AGBL4: variants seen among roughly 807,000 people sequenced by gnomAD.
The protein encoded by AGBL4 is AGBL carboxypeptidase 4, also known as cytosolic carboxypeptidase 6.
A neutral mutation model predicts 66.4 loss-of-function variants in AGBL4; 58 were observed. The ratio of observed to expected loss-of-function variants is 0.87; its 90% CI spans 0.71 to 1.09. The LOEUF (loss-of-function observed/expected upper bound fraction) is 1.09. AGBL4 is among the 50% of genes least tolerant of loss of function. The pLI is 0.00. For synonymous variants in AGBL4, 234 were observed against 222.9 expected (o/e 1.05, Z -0.44); for missense variants, 579 against 631.0 (o/e 0.92, Z 0.88).
At chr1:48,546,188 T>A (rs946413839) in intron 11 of AGBL4, among the ~76,000 whole-genome samples, 2 of 152,246 alleles carry the variant, frequency 1.3e-5, no homozygotes, top group Non-Finnish European at 2.9e-5. Flanking sequence ...CAATTCGACA[T>A]ATATTTCACA....
At position 49,950,163 on chromosome 1, in the gene AGBL4, CAT is replaced by C. The variant is rs200899232; in HGVS notation, c.34+73598_34+73599del. The stretch of plus-strand genomic sequence containing the variant: ...ACACATATGTGTATATATATACACA[CAT>C]ATATATATACATATGTATATACACA... On this transcript the variant is annotated intron_variant, in intron 1 of 13. Coordinates refer to ENST00000371839, the MANE Select transcript of AGBL4 (RefSeq NM_032785.4). Among the ~76,000 whole-genome samples, 640 of 142,346 alleles carry C rather than the reference CAT, an allele frequency of 4.5e-3. 7 individuals are homozygous for C. The highest frequency in any genetic ancestry group is 0.012 in the African/African-American group (454 of 38,814). The allele number at this position is 142,346 out of a possible 152,430, so 93.4% of individuals were successfully genotyped here.
rs375877526 is a variant in AGBL4 at position 49,466,611 on chromosome 1, AT to A, written c.283-220748del. Among the ~76,000 whole-genome samples the A allele has an allele frequency of 2.6e-4, 39 of 151,740 alleles. 1 individual carries two copies. The highest frequency in any genetic ancestry group is 9.2e-4 in the African/African-American group (38 of 41,460). ...CATGAGATATAGAGGGGAAATCACA[AT>A]TTTTTTACACTTTTCTGGCTCCATT... On this transcript the variant is annotated intron_variant, in intron 3 of 13. Transcript: ENST00000371839.
chr1:49,238,149 A>C (rs1381793649), intron 4 of AGBL4, among the ~76,000 whole-genome samples: 1 of 152,062 alleles, frequency 6.6e-6, no homozygotes, highest in Non-Finnish European at 1.5e-5. Context: ...CACACATTTA[A>C]TTATGACATT....
intron 3 of AGBL4, among the ~76,000 whole-genome samples, chr1:49,340,154 G>A (rs760021610): frequency 4.6e-5 from 7 of 150,700 alleles, no homozygotes; most frequent in Non-Finnish European, 8.8e-5. Flanking sequence ...TAATTAGTGC[G>A]GTTTTTATTT....
At chr1:48,721,564 G>T (rs1301812492) in intron 6 of AGBL4, among the ~76,000 whole-genome samples, 2 of 152,200 alleles carry the variant, frequency 1.3e-5, no homozygotes, top group African/African-American at 2.4e-5. Context: ...GGGGTGAGGA[G>T]GGTCCCTGGC....
intron 3 of AGBL4, among the ~76,000 whole-genome samples, chr1:49,485,998 A>G (rs1316208365): frequency 2.6e-5 from 4 of 152,062 alleles, no homozygotes; most frequent in Non-Finnish European, 4.4e-5. Context: ...AACACAAAGC[A>G]TAAGTGCTTG....
intron 3 of AGBL4, among the ~76,000 whole-genome samples, chr1:49,619,028 A>C (rs887256084): frequency 2.6e-5 from 4 of 152,196 alleles, no homozygotes; most frequent in Admixed American, 2.0e-4. Flanking sequence ...AATGGGCAAA[A>C]CCTGGAAGCA....
chr1:49,073,871 G>T (rs1418674122), intron 4 of AGBL4, among the ~76,000 whole-genome samples: 2 of 152,224 alleles, frequency 1.3e-5, no homozygotes, highest in Non-Finnish European at 2.9e-5. Context: ...TCCCCCAGGT[G>T]CTCTGTCTCA....
chr1:49,637,249 G>T (rs1305801308), intron 3 of AGBL4, among the ~76,000 whole-genome samples: 1 of 151,998 alleles, frequency 6.6e-6, no homozygotes, highest in Non-Finnish European at 1.5e-5. Flanking sequence ...TTCCTTTAAA[G>T]AACCCTGACT....
At chr1:48,571,522 C>T (rs1222643408) in intron 11 of AGBL4, among the ~76,000 whole-genome samples, 1 of 152,228 alleles carries the variant, frequency 6.6e-6, no homozygotes, top group Admixed American at 6.5e-5. Context: ...CTATGAGAGG[C>T]ATCCTCATGA....
At position 49,576,314 on chromosome 1, in the gene AGBL4, C is replaced by A. The variant is rs1644435456; in HGVS notation, c.282+120999G>T. On this transcript the variant is annotated intron_variant, in intron 3 of 13. Coordinates refer to ENST00000371839, the MANE Select transcript of AGBL4 (RefSeq NM_032785.4). ...TCTGCAACAGGTCCAGGCTGCTGTG[C>A]AAGCTGCTCTGCCACTTGGGCCATA... Among the ~76,000 whole-genome samples, 4 of 152,312 alleles carry A rather than the reference C, an allele frequency of 2.6e-5. No individual in the cohort carries two copies. The South Asian group carries it at 8.3e-4, about 32-fold the overall frequency.
At chr1:49,596,339 C>A (rs2124122960) in intron 3 of AGBL4, among the ~76,000 whole-genome samples, 1 of 152,130 alleles carries the variant, frequency 6.6e-6, no homozygotes, top group Non-Finnish European at 1.5e-5. Flanking sequence ...CCAATTGATT[C>A]TTGTATTTTT....
intron 4 of AGBL4, among the ~76,000 whole-genome samples, chr1:49,097,330 G>C (rs1298432657): frequency 1.3e-5 from 2 of 152,160 alleles, no homozygotes; most frequent in Non-Finnish European, 1.5e-5. Flanking sequence ...TAGTGGAAGG[G>C]GAGTAAAAAG....
intron 1 of AGBL4, among the ~76,000 whole-genome samples, chr1:50,008,452 A>AG (rs1661297818): frequency 6.6e-6 from 1 of 152,112 alleles, no homozygotes; most frequent in South Asian, 2.1e-4. Context: ...GAAATTGAAC[A>AG]TTTTCTTAAA....
chr1:48,876,098 G>T (rs949678550), intron 5 of AGBL4, among the ~76,000 whole-genome samples: 2 of 152,190 alleles, frequency 1.3e-5, no homozygotes. Context: ...TCCTCCATAG[G>T]GTTCACAATT....
At chr1:49,922,815 GAC>G (rs1397553360) in intron 1 of AGBL4, among the ~76,000 whole-genome samples, 1 of 152,090 alleles carries the variant, frequency 6.6e-6, no homozygotes, top group Non-Finnish European at 1.5e-5. Context: ...AATTAGAGAT[GAC>G]ACACACAAAT....
At chr1:49,489,724 A>C (rs1454004816) in intron 3 of AGBL4, among the ~76,000 whole-genome samples, 2 of 151,832 alleles carry the variant, frequency 1.3e-5, no homozygotes, top group Non-Finnish European at 2.9e-5. Context: ...CAAGAGATAA[A>C]GGTCTAATTT....
rs535820282 is a variant in AGBL4 at position 48,764,555 on chromosome 1, G to A, written c.635-101314C>T. ...AGTTATAAGCAGGAGGGAGAGGTGA[G>A]AAGGCAAGAAAAGGTGGTTGGAACT... On this transcript the variant is annotated intron_variant, in intron 6 of 13. Coordinates refer to ENST00000371839, the MANE Select transcript of AGBL4 (RefSeq NM_032785.4). Among the ~76,000 whole-genome samples, 5 of 152,256 alleles carry A rather than the reference G, an allele frequency of 3.3e-5. No homozygotes were observed. In the South Asian group the frequency reaches 1.0e-3, roughly 32 times the overall value.
At chr1:48,984,873 G>A (rs148957402) in intron 5 of AGBL4, among the ~76,000 whole-genome samples, 18 of 151,988 alleles carry the variant, frequency 1.2e-4, no homozygotes, top group Non-Finnish European at 2.4e-4. Context: ...AGGAAATGTA[G>A]AAATGTGCCA....
Sources: gnomAD v4.1 joint callset for allele counts (sites outside exome capture counted in the v4.1 genomes callset) on GRCh38, gnomAD v4.1.1 for gene constraint, MANE v1.5 for transcripts, NCBI Gene and HGNC (gene_info 2026-07-23, HGNC 2026-07-21) for gene names.